YARS2: variants seen among roughly 807,000 people sequenced by gnomAD.
YARS2 encodes the protein tyrosine--tRNA ligase, mitochondrial.
A neutral mutation model predicts 45.0 loss-of-function variants in YARS2; 38 were observed. The ratio of observed to expected loss-of-function variants is 0.84; its 90% CI spans 0.65 to 1.11. The LOEUF is 1.11. YARS2 is among the 50% of genes least tolerant of loss of function. The probability of loss-of-function intolerance (pLI) is 0.00; values close to 1 mark genes in which losing one functional copy is unlikely to be tolerated. For missense variants in YARS2, 602 were observed against 599.8 expected, an observed-to-expected ratio of 1.00 and a Z score of -0.04; for synonymous variants, 287 against 245.1, an observed-to-expected ratio of 1.17 and a Z score of -1.60.
At chr12:32,747,533 T>C (rs563253040) in intron 4 of YARS2, among the ~76,000 whole-genome samples, 170 bp from the exon 5 acceptor site, 1 of 152,308 alleles carries the variant, frequency 6.6e-6, no homozygotes, top group South Asian at 2.1e-4. Context: ...CTGCCTCTCT[T>C]TACTGCTCTT....
Position 32,747,000 on chromosome 12 carries a change from TACATCAG to T in YARS2, c.*197_*203del. The T allele has an allele frequency of 1.8e-6, 1 of 553,364 alleles. No individual in the cohort carries two copies. The highest frequency in any genetic ancestry group is 3.2e-6 in the Non-Finnish European group (1 of 314,822). 34.3% of individuals were successfully genotyped at this position (553,364 alleles called of 1,614,324 possible). A position where few individuals can be genotyped will look rare whatever the true frequency, so the allele number is the denominator to read the frequency against. ...GGTTTTCTATGGTAATCAAGCTTTG[TACATCAG>T]AAAATAAAACATCCCATTATTAAAC... On this transcript the variant is annotated 3_prime_UTR_variant, in exon 5 of 5. Transcript: ENST00000324868.
chr12:32,750,395 G>A (rs1955718665), intron 3 of YARS2, among the ~76,000 whole-genome samples: 1 of 152,072 alleles, frequency 6.6e-6, no homozygotes, highest in African/African-American at 2.4e-5. Context: ...AGAGATGGGG[G>A]TTTCACCATG....
At chr12:32,752,523 G>A (rs1955764596) in intron 2 of YARS2, among the ~76,000 whole-genome samples, 1 of 152,098 alleles carries the variant, frequency 6.6e-6, no homozygotes, top group South Asian at 2.1e-4. Flanking sequence ...GGGAGGCTGA[G>A]GAAGGTGGAT....
intron 4 of YARS2, among the ~76,000 whole-genome samples, chr12:32,747,599 T>G (rs1955667650): frequency 6.6e-6 from 1 of 152,214 alleles, no homozygotes; most frequent in Non-Finnish European, 1.5e-5. Context: ...CAGGCTGGCA[T>G]GATCTCAGCT....
chr12:32,751,977 T>C (rs1955753240), intron 2 of YARS2, among the ~76,000 whole-genome samples: 1 of 152,220 alleles, frequency 6.6e-6, no homozygotes, highest in Non-Finnish European at 1.5e-5. Flanking sequence ...ACCCTCGCGT[T>C]ATCACTGCCT....
chr12:32,751,725 G>A (rs192502154), intron 2 of YARS2, among the ~76,000 whole-genome samples: 23 of 152,202 alleles, frequency 1.5e-4, no homozygotes, highest in Non-Finnish European at 2.8e-4. Flanking sequence ...AAAGGAATGC[G>A]CAACCTAGAT....
At chr12:32,755,039 C>CT (rs1955820848) in intron 1 of YARS2, 57 bp downstream of exon 1, 1 of 1,604,234 alleles carries the variant, frequency 6.2e-7, no homozygotes, top group African/African-American at 1.3e-5. Flanking sequence ...GAATCACAGG[C>CT]TACTAGTGTG....
At position 32,753,901 on chromosome 12, in the gene YARS2, C is replaced by T; in HGVS notation, c.947+17G>A. The T allele has an allele frequency of 6.2e-7, 1 of 1,614,040 alleles. No homozygotes were observed. The highest frequency in any genetic ancestry group is 8.5e-7 in the Non-Finnish European group (1 of 1,179,962). The stretch of plus-strand genomic sequence containing the variant: ...TTTATGGTGTCAGTTTTTCTCAGCC[C>T]ATTATTCAGAACTCACCTTTCCACT... On this transcript the variant is annotated intron_variant, in intron 2 of 4. Coordinates refer to ENST00000324868, the MANE Select transcript of YARS2 (RefSeq NM_001040436.3).
chr12:32,749,937 C>G lies in YARS2; in HGVS notation c.1274G>C (p.Gly425Ala), dbSNP rs748624611. Reference sequence around the variant, plus strand: ...AAATCTAAAAGTTAAATAATCTTACCCTCGGGGACCATCTGGAATGGCATT... The same window carrying G: ...AAATCTAAAAGTTAAATAATCTTACGCTCGGGGACCATCTGGAATGGCATT... ...KANAIPDGPR[G>A]YRMITEGGVS... The change falls in exon 4 of 5, where the codon GGG becomes GCG. Residue 425 changes from glycine (G) to alanine (A), a missense_variant and splice_region_variant. Gly to Ala is a moderately conservative substitution (Grantham distance 60, BLOSUM62 0). Transcript: ENST00000324868. 1 of 1,614,000 alleles carries G rather than the reference C, an allele frequency of 6.2e-7. No homozygotes were observed. The highest frequency in any genetic ancestry group is 1.7e-5 in the Admixed American group (1 of 59,998).
intron 4 of YARS2, among the ~76,000 whole-genome samples, chr12:32,748,515 G>GT (rs1955682826): frequency 1.3e-5 from 2 of 152,144 alleles, no homozygotes; most frequent in African/African-American, 4.8e-5. Context: ...CAGATGTGGT[G>GT]TCATTTTTAG....
chr12:32,755,304 C>A lies in YARS2; in HGVS notation c.571G>T (p.Gly191Cys). 1 of 1,614,090 alleles carries A rather than the reference C, an allele frequency of 6.2e-7. No individual in the cohort carries two copies. The highest frequency in any genetic ancestry group is 1.1e-5 in the South Asian group (1 of 91,078). ...AGCAGCGTCCCCATGCGGAAGTGAC[C>A]CCCCACTGCCGCCAGGAAGTCCACC... The part of the protein sequence containing the change: ...HLVDFLAAVG[G>C]HFRMGTLLSR... Residue 191 changes from glycine (G) to cysteine (C), a missense_variant, in exon 1 of 5, where the codon GGT (glycine) becomes TGT (cysteine). Gly to Cys is a radical substitution (Grantham distance 159). Transcript: ENST00000324868.
Position 32,755,224 on chromosome 12 carries a change from G to C in YARS2, c.651C>G (p.Ala217=), listed in dbSNP as rs748243364. The C allele has an allele frequency of 1.2e-6, 2 of 1,614,130 alleles. No homozygotes were observed. Among genetic ancestry groups the C allele is most frequent in the Non-Finnish European group, 1.7e-6 (2 of 1,180,030 alleles). The change falls in exon 1 of 5, where the codon GCC becomes GCG. Residue 217 remains alanine (A), a synonymous_variant. Coordinates refer to ENST00000324868, the MANE Select transcript of YARS2 (RefSeq NM_001040436.3). ...RLKSPEGMSL[A]EFFYQVLQAY... Reference sequence around the variant, plus strand: ...CCTGGAGCACCTGGTAAAAGAACTCGGCCAAGCTCATGCCCTCGGGGCTCT... The same window carrying C: ...CCTGGAGCACCTGGTAAAAGAACTCCGCCAAGCTCATGCCCTCGGGGCTCT...
In YARS2 at chr12:32,749,829, G is replaced by A. The variant is rs1412676102; in HGVS notation, c.1274+108C>T. 4.6e-6 allele frequency: 6 copies of A among 1,313,326 alleles called. No homozygotes were observed. The South Asian group carries it at 6.0e-5, about 13-fold the overall frequency. The allele number at this position is 1,313,326 out of a possible 1,614,324, so 81.4% of individuals were successfully genotyped here. On this transcript the variant is annotated intron_variant, in intron 4 of 4. Coordinates refer to ENST00000324868, the MANE Select transcript of YARS2 (RefSeq NM_001040436.3). ...CCTGACCTCGTGATCTGCCCGCCTC[G>A]GCCTCCCAATGTGCTGTGATTACAG...
rs1565561582 is a variant in YARS2 at position 32,755,836 on chromosome 12, C to T, written c.39G>A (p.Arg13=). ...APILRSFSWG[R]WSGTLNLSVL... ...CTGAGAGATTTAGGGTACCAGACCA[C>T]CGGCCCCAGGAAAAGGACCGCAAGA... is the stretch of plus-strand genomic sequence containing the variant. The change falls in exon 1 of 5, where the codon CGG becomes CGA. Residue 13 remains arginine, a synonymous_variant. Coordinates refer to ENST00000324868, the MANE Select transcript of YARS2 (RefSeq NM_001040436.3). The T allele has an allele frequency of 6.2e-7, 1 of 1,613,394 alleles. No individual in the cohort carries two copies. The highest frequency in any genetic ancestry group is 8.5e-7 in the Non-Finnish European group (1 of 1,180,048).
At chr12:32,751,363 C>T (rs745566443) in intron 2 of YARS2, among the ~76,000 whole-genome samples, 2 of 152,088 alleles carry the variant, frequency 1.3e-5, no homozygotes, top group Non-Finnish European at 2.9e-5. Context: ...CCACCAAGCC[C>T]AGCCTCGTAT....
chr12:32,754,213 T>G (rs1330627656), intron 1 of YARS2, 128 bp from the exon 2 acceptor site: 1 of 1,017,300 alleles, frequency 9.8e-7, no homozygotes, highest in East Asian at 2.4e-5. Context: ...AAATCTGAAT[T>G]CTTGTTCCTC....
Position 32,747,369 on chromosome 12 carries a change from AAAT to A in YARS2, c.1275-9_1275-7del. The A allele has an allele frequency of 6.2e-7, 1 of 1,613,558 alleles. No individual in the cohort carries two copies. Among genetic ancestry groups the A allele is most frequent in the Non-Finnish European group, 8.5e-7 (1 of 1,179,948 alleles). The stretch of plus-strand genomic sequence containing the variant: ...CTTCTGTTATCATTCGATACCTAAA[AAAT>A]AGAAACGTTTAGTAAGTAGAGAGAT... On this transcript the variant is annotated splice_polypyrimidine_tract_variant and splice_region_variant and intron_variant, in intron 4 of 4. Transcript: ENST00000324868.
chr12:32,752,184 TATC>T (rs1201458968), intron 2 of YARS2, among the ~76,000 whole-genome samples: 1 of 152,170 alleles, frequency 6.6e-6, no homozygotes, highest in African/African-American at 2.4e-5. Flanking sequence ...ATGACTATAA[TATC>T]ATCCTATATG....
At chr12:32,750,204 C>T in intron 3 of YARS2, 97 bp from the exon 4 acceptor site, 1 of 1,500,274 alleles carries the variant, frequency 6.7e-7, no homozygotes, top group Non-Finnish European at 9.1e-7. Flanking sequence ...AAGTTCTAGA[C>T]TAAAAGTTTT....
Sources: allele counts gnomAD v4.1 joint callset (sites outside exome capture counted in the v4.1 genomes callset), GRCh38; gene constraint gnomAD v4.1.1; transcripts MANE v1.5; gene names NCBI Gene and HGNC (gene_info 2026-07-23, HGNC 2026-07-21).